KMT2C: variants seen among roughly 807,000 people sequenced by gnomAD.
KMT2C encodes the protein histone-lysine N-methyltransferase 2C.
A neutral mutation model predicts 507.9 loss-of-function variants in KMT2C; 88 were observed. The ratio of observed to expected loss-of-function variants is 0.17; its 90% CI spans 0.15 to 0.21. The LOEUF (loss-of-function observed/expected upper bound fraction) is 0.21, where lower values mean the gene tolerates loss of function less well. KMT2C is among the 10% of genes least tolerant of loss of function. KMT2C has a pLI of 1.00. For synonymous variants in KMT2C, 2,049 were observed against 2,080.8 expected (o/e 0.98, Z 0.42); for missense variants, 4,954 against 5,957.8 (o/e 0.83, Z 5.55).
At chr7:152,237,332 G>A (rs1272777860) in intron 15 of KMT2C, among the ~76,000 whole-genome samples, 4 of 151,560 alleles carry the variant, frequency 2.6e-5, no homozygotes, top group Non-Finnish European at 1.5e-5. Flanking sequence ...AGGAACGGGA[G>A]GAATGGCTTT....
intron 6 of KMT2C, among the ~76,000 whole-genome samples, chr7:152,298,232 A>T (rs2096534097): frequency 1.3e-5 from 2 of 152,180 alleles, no homozygotes; most frequent in South Asian, 2.1e-4. Context: ...GAGAAAAAAA[A>T]TACTTGAAGA....
intron 2 of KMT2C, among the ~76,000 whole-genome samples, chr7:152,344,812 A>C (rs1354586416): frequency 6.6e-6 from 1 of 152,028 alleles, no homozygotes; most frequent in Non-Finnish European, 1.5e-5. Flanking sequence ...ACAGTGAAAC[A>C]CCGTCTCTAC....
At chr7:152,358,756 A>G in intron 1 of KMT2C, 81 bp from the exon 2 acceptor site, 1 of 879,578 alleles carries the variant, frequency 1.1e-6, no homozygotes, top group South Asian at 1.6e-5. Context: ...AACATAAGGC[A>G]CAATTTGAAG....
Position 152,177,837 on chromosome 7 carries a change from T to C in KMT2C, c.7616A>G (p.Gln2539Arg), listed in dbSNP as rs752035304. The C allele has an allele frequency of 4.3e-6, 7 of 1,613,886 alleles. No homozygotes were observed. The South Asian group carries it at 7.7e-5, about 18-fold the overall frequency. The change falls in exon 38 of 59, where the codon CAG (glutamine) becomes CGG (arginine). Residue 2539 changes from glutamine (Q) to arginine (R), a missense_variant. Physicochemically the swap from Gln to Arg is conservative, Grantham distance 43. Around this residue, in one of 29 missense-constraint regions of KMT2C, gnomAD observed 1,689 missense variants for 1,654.3 expected, o/e 1.02. Coordinates refer to ENST00000262189, the MANE Select transcript of KMT2C (RefSeq NM_170606.3). The stretch of plus-strand genomic sequence containing the variant: ...TGGCAAGCTCTGTGGTGAAAAATGC[T>C]GAGGAAGTCCAACTGGATTATTCAT... The part of the protein sequence containing the change: ...SQMNNPVGLP[Q>R]HFSPQSLPVQ...
intron 38 of KMT2C, 79 bp downstream of exon 38, chr7:152,176,112 A>G: frequency 7.7e-7 from 1 of 1,306,434 alleles, no homozygotes; most frequent in Non-Finnish European, 1.1e-6. Flanking sequence ...TGTAATTCTA[A>G]TAATAAAATC....
At chr7:152,305,905 C>A (rs2096612073) in intron 6 of KMT2C, among the ~76,000 whole-genome samples, 1 of 152,102 alleles carries the variant, frequency 6.6e-6, no homozygotes, top group Admixed American at 6.5e-5. Context: ...TGGTTGGAGA[C>A]CAAGATCTAA....
chr7:152,302,803 G>A (rs1208616144), intron 6 of KMT2C, among the ~76,000 whole-genome samples: 5 of 151,692 alleles, frequency 3.3e-5, no homozygotes, highest in South Asian at 2.1e-4. Context: ...CACCACACAC[G>A]GTTAATTTTT....
At chr7:152,269,494 T>C (rs1458254496) in intron 7 of KMT2C, among the ~76,000 whole-genome samples, 2 of 152,164 alleles carry the variant, frequency 1.3e-5, no homozygotes, top group Non-Finnish European at 2.9e-5. Flanking sequence ...AATATGAATA[T>C]TTAGACACAC....
At chr7:152,188,831 A>T (rs1427097785) in intron 31 of KMT2C, among the ~76,000 whole-genome samples, 1 of 151,874 alleles carries the variant, frequency 6.6e-6, no homozygotes, top group African/African-American at 2.4e-5. Flanking sequence ...GCTGATCTCA[A>T]ACTCCTGCCT....
chr7:152,421,625 C>T lies in KMT2C; in HGVS notation c.161+14001G>A, dbSNP rs140202732. On this transcript the variant is annotated intron_variant, in intron 1 of 58. Transcript: ENST00000262189. ...GCAGTTGGAGGCCATTATTCGTAAG[C>T]GAATTAATTAACAGAAAGCCAAATA... Among the ~76,000 whole-genome samples the T allele has an allele frequency of 6.6e-5, 10 of 152,186 alleles. No homozygotes were observed. In the South Asian group the frequency reaches 1.9e-3, roughly 28 times the overall value.
chr7:152,139,429 G>C (rs2090271186), intron 56 of KMT2C, among the ~76,000 whole-genome samples, 170 bp from the exon 57 acceptor site: 1 of 152,222 alleles, frequency 6.6e-6, no homozygotes, highest in African/African-American at 2.4e-5. Flanking sequence ...CGAATGGAAA[G>C]CATGGAATCA....
intron 18 of KMT2C, among the ~76,000 whole-genome samples, chr7:152,225,939 T>C (rs868360862): frequency 6.6e-6 from 1 of 152,188 alleles, no homozygotes; most frequent in Non-Finnish European, 1.5e-5. Flanking sequence ...AGACCTGCAG[T>C]GAACATTTAC....
chr7:152,324,329 A>C (rs1451330269), intron 3 of KMT2C, among the ~76,000 whole-genome samples: 1 of 151,648 alleles, frequency 6.6e-6, no homozygotes, highest in Non-Finnish European at 1.5e-5. Flanking sequence ...AGTAAATTTC[A>C]AGTAACAAAT....
chr7:152,300,226 C>A (rs553502388), intron 6 of KMT2C, among the ~76,000 whole-genome samples: 12 of 152,218 alleles, frequency 7.9e-5, no homozygotes, highest in Non-Finnish European at 1.6e-4. Context: ...AGATCTGAGA[C>A]TATTACATTA....
rs1177538254 is a variant in KMT2C, at chr7:152,145,184, T to G, written c.14143A>C (p.Met4715Leu). The G allele has an allele frequency of 6.2e-7, 1 of 1,614,030 alleles. No individual in the cohort carries two copies. The highest frequency in any genetic ancestry group is 8.5e-7 in the Non-Finnish European group (1 of 1,180,018). Residue 4715 changes from methionine (M) to leucine (L), a missense_variant, in exon 54 of 59, where the codon ATG (methionine) becomes CTG (leucine). Coordinates refer to ENST00000262189, the MANE Select transcript of KMT2C (RefSeq NM_170606.3). The stretch of plus-strand genomic sequence containing the variant: ...ACAAACCTCTTGACATGGGCACTCA[T>G]TTTAGGTTCAGAACGGGCACAACCT... Reference protein sequence around the residue: ...PTGCARSEPKMSAHVKRFVLR... With the variant: ...PTGCARSEPKLSAHVKRFVLR...
At chr7:152,327,367 C>T (rs577403648) in intron 3 of KMT2C, among the ~76,000 whole-genome samples, 1 of 152,304 alleles carries the variant, frequency 6.6e-6, no homozygotes, top group African/African-American at 2.4e-5. Flanking sequence ...GTCAGTCAGG[C>T]ATACTGTGTC....
intron 4 of KMT2C, 138 bp from the exon 5 acceptor site, chr7:152,312,084 C>T (rs1385197458): frequency 3.6e-6 from 2 of 560,220 alleles, no homozygotes; most frequent in Non-Finnish European, 5.9e-6. Flanking sequence ...TTTTAGAATT[C>T]ATCTGTTAGT....
chr7:152,271,968 T>C (rs956348775), intron 7 of KMT2C, among the ~76,000 whole-genome samples: 1 of 152,122 alleles, frequency 6.6e-6, no homozygotes, highest in African/African-American at 2.4e-5. Flanking sequence ...GGGCCAAATT[T>C]GTGGTTACGT....
In KMT2C at chr7:152,249,953, G is replaced by T. The variant is rs760517811; in HGVS notation, c.1736C>A (p.Ala579Glu). Residue 579 changes from alanine (A) to glutamate (E), a missense_variant and splice_region_variant, in exon 13 of 59, where the codon GCG (alanine) becomes GAG (glutamate). Transcript: ENST00000262189. Reference sequence around the variant, plus strand: ...TTGCTCTTCAGTGTGGACTTGAACCGCTGTGAGTAACACATTTATAAAATC... The same window carrying T: ...TTGCTCTTCAGTGTGGACTTGAACCTCTGTGAGTAACACATTTATAAAATC... ...QESTPGIVPD[A>E]VQVHTEEQQK... is the part of the protein sequence containing the mutation. 2 of 1,599,018 alleles carry T rather than the reference G, an allele frequency of 1.3e-6. No individual in the cohort carries two copies. The highest frequency in any genetic ancestry group is 1.7e-6 in the Non-Finnish European group (2 of 1,167,380).
Sources: gnomAD v4.1 joint callset for allele counts (sites outside exome capture counted in the v4.1 genomes callset) on GRCh38, gnomAD v4.1.1 for gene constraint, gnomAD v4.1.1 regional missense constraint, MANE v1.5 for transcripts, NCBI Gene and HGNC (gene_info 2026-07-23, HGNC 2026-07-21) for gene names.